SGCG: variants seen among roughly 807,000 people sequenced by gnomAD.
SGCG encodes the protein sarcoglycan gamma.
A neutral mutation model predicts 29.3 loss-of-function variants in SGCG; 26 were observed. The observed-to-expected ratio is 0.89, with a 90% CI of 0.65 to 1.23. The LOEUF (loss-of-function observed/expected upper bound fraction) is 1.23. SGCG is among the 50% of genes most tolerant of loss of function. The pLI is 0.00. For missense variants in SGCG, 353 were observed against 356.0 expected (o/e 0.99, Z 0.07); for synonymous variants, 145 against 129.7 (o/e 1.12, Z -0.80).
chr13:23,274,565 G>A (rs1488697805), intron 4 of SGCG, among the ~76,000 whole-genome samples: 1 of 151,844 alleles, frequency 6.6e-6, no homozygotes, highest in African/African-American at 2.4e-5. Context: ...TGAGACTACA[G>A]GAGCCCACCA....
chr13:23,286,619 T>C (rs905618925), intron 5 of SGCG, among the ~76,000 whole-genome samples: 3 of 152,246 alleles, frequency 2.0e-5, no homozygotes, highest in Non-Finnish European at 4.4e-5. Flanking sequence ...TTCTTATACA[T>C]ACATACTGTG....
chr13:23,252,270 T>G (rs1167708224), intron 4 of SGCG, among the ~76,000 whole-genome samples: 6 of 152,234 alleles, frequency 3.9e-5, no homozygotes, highest in Non-Finnish European at 8.8e-5. Context: ...TTTTTTCTCA[T>G]TCATTCCAAC....
intron 3 of SGCG, among the ~76,000 whole-genome samples, chr13:23,236,076 C>G (rs1879297502): frequency 6.6e-6 from 1 of 152,190 alleles, no homozygotes; most frequent in Admixed American, 6.5e-5. Flanking sequence ...AGAAGATGAC[C>G]TGCAGTATAA....
chr13:23,168,611 T>G, the SGCG span, among the ~76,000 whole-genome samples: 5 of 152,222 alleles, frequency 3.3e-5, no homozygotes, highest in African/African-American at 1.2e-4. Context: ...AACCTCTGTA[T>G]ACAATAATGG....
In SGCG at chr13:23,314,296, A is replaced by ATCT. The variant is rs1882714839; in HGVS notation, c.579-6339_579-6337dup. Among the ~76,000 whole-genome samples, 5 of 145,490 alleles carry ATCT rather than the reference A, an allele frequency of 3.4e-5. No individual in the cohort carries two copies. In the Middle Eastern group the frequency reaches 0.019, roughly 543 times the overall value. On this transcript the variant is annotated intron_variant, in intron 6 of 7. Transcript: ENST00000218867. ...AACTAATAAGATATGGACTTGGAAT[A>ATCT]TCTTACATTGATGGACATCTGTGTT...
intron 1 of SGCG, among the ~76,000 whole-genome samples, chr13:23,194,831 T>C (rs1347827144): frequency 6.6e-6 from 1 of 152,058 alleles, no homozygotes; most frequent in Non-Finnish European, 1.5e-5. Flanking sequence ...AAGAAAACAG[T>C]AGGTGCCCAC....
intron 1 of SGCG, among the ~76,000 whole-genome samples, chr13:23,200,185 G>A (rs1304388360): frequency 6.6e-6 from 1 of 152,212 alleles, no homozygotes; most frequent in African/African-American, 2.4e-5. Flanking sequence ...CACTTTGGGA[G>A]GCCGAAGCGA....
intron 4 of SGCG, among the ~76,000 whole-genome samples, chr13:23,275,123 A>ATATATATATATATATATATATATATATG (rs1566026507): frequency 3.4e-5 from 5 of 145,470 alleles, no homozygotes; most frequent in South Asian, 2.2e-4. Flanking sequence ...TGGATGGAAT[A>ATATATATATATATATATATATATATATG]TATATATATA....
intron 5 of SGCG, among the ~76,000 whole-genome samples, chr13:23,285,307 A>T (rs1881456021): frequency 6.6e-6 from 1 of 152,176 alleles, no homozygotes; most frequent in Non-Finnish European, 1.5e-5. Flanking sequence ...TGCCCTGCCC[A>T]GAGAGGAGGA....
chr13:23,307,564 G>A (rs1882404655), intron 6 of SGCG, among the ~76,000 whole-genome samples: 1 of 152,034 alleles, frequency 6.6e-6, no homozygotes, highest in African/African-American at 2.4e-5. Flanking sequence ...GCCCTGTTAT[G>A]CATCTTTTAG....
At chr13:23,242,255 A>C (rs962464509) in intron 3 of SGCG, among the ~76,000 whole-genome samples, 12 of 152,266 alleles carry the variant, frequency 7.9e-5, no homozygotes, top group Admixed American at 1.3e-4. Flanking sequence ...TATTAGGTTC[A>C]AGTTGGAAGT....
the SGCG span, among the ~76,000 whole-genome samples, chr13:23,174,073 A>G: frequency 6.6e-6 from 1 of 152,182 alleles, no homozygotes; most frequent in South Asian, 2.1e-4. Context: ...TCAGACACCA[A>G]AAGTGTCAGA....
intron 3 of SGCG, among the ~76,000 whole-genome samples, chr13:23,235,221 T>C (rs945809051): frequency 6.6e-6 from 1 of 152,116 alleles, no homozygotes; most frequent in East Asian, 1.9e-4. Flanking sequence ...TAGCCAGGCA[T>C]GGTGGCGTAT....
chr13:23,238,707 C>T (rs1056048022), intron 3 of SGCG, among the ~76,000 whole-genome samples: 4 of 151,852 alleles, frequency 2.6e-5, no homozygotes, highest in African/African-American at 9.7e-5. Flanking sequence ...GCACAAAAGT[C>T]GAGGAAAGCA....
At chr13:23,174,724 T>G in the SGCG span, among the ~76,000 whole-genome samples, 1 of 152,338 alleles carries the variant, frequency 6.6e-6, no homozygotes, top group East Asian at 1.9e-4. Flanking sequence ...CATTTGGAAC[T>G]GGTAATAGAA....
intron 3 of SGCG, among the ~76,000 whole-genome samples, chr13:23,241,148 C>CAAAAA (rs150540516): frequency 7.3e-5 from 7 of 95,590 alleles, no homozygotes; most frequent in East Asian, 3.0e-4. Flanking sequence ...GACTCCATCT[C>CAAAAA]AAAAAAAAAA....
chr13:23,246,734 T>C (rs922233474), intron 3 of SGCG: 2 of 217,886 alleles, frequency 9.2e-6, no homozygotes, highest in African/African-American at 4.6e-5. Flanking sequence ...GCAGAAGGTA[T>C]TTAAAAGATA....
At chr13:23,211,111 C>T (rs967219504) in intron 2 of SGCG, among the ~76,000 whole-genome samples, 2 of 152,224 alleles carry the variant, frequency 1.3e-5, no homozygotes, top group East Asian at 3.9e-4. Context: ...TCTTGCACCC[C>T]AGAATTAGAA....
intron 6 of SGCG, among the ~76,000 whole-genome samples, chr13:23,305,140 T>C (rs977891439): frequency 7.9e-5 from 12 of 152,232 alleles, no homozygotes; most frequent in African/African-American, 2.9e-4. Flanking sequence ...ATTAAGTTTT[T>C]AAATTACCTT....
Sources: gnomAD v4.1 joint callset for allele counts (sites outside exome capture counted in the v4.1 genomes callset) on GRCh38, gnomAD v4.1.1 for gene constraint, MANE v1.5 for transcripts, NCBI Gene and HGNC (gene_info 2026-07-23, HGNC 2026-07-21) for gene names.